PDZD2: variants seen among roughly 807,000 people sequenced by gnomAD.
PDZD2 encodes the protein PDZ domain containing 2.
Under a neutral mutation model 220.7 loss-of-function variants are expected in PDZD2, and 90 were observed. The ratio of observed to expected loss-of-function variants is 0.41; its 90% CI spans 0.34 to 0.49. The LOEUF is 0.49. Ranked by LOEUF, PDZD2 falls within the 20% of genes least tolerant of loss-of-function variation. The pLI is 0.28. For missense variants in PDZD2, 3,174 were observed against 3,608.5 expected (o/e 0.88, Z 3.08); for synonymous variants, 1,375 against 1,450.5 (o/e 0.95, Z 1.18).
chr5:31,948,823 G>T (rs1020198534), intron 2 of PDZD2, among the ~76,000 whole-genome samples: 3 of 152,150 alleles, frequency 2.0e-5, no homozygotes, highest in Non-Finnish European at 4.4e-5. Flanking sequence ...TTTAGGCTGG[G>T]TGTGGTGGCT....
intron 2 of PDZD2, among the ~76,000 whole-genome samples, chr5:31,906,635 G>A (rs188150890): frequency 1.0e-3 from 153 of 152,202 alleles, no homozygotes; most frequent in African/African-American, 3.6e-3. Flanking sequence ...CTGAGGTCAG[G>A]AGTTCCAGAC....
intron 1 of PDZD2, among the ~76,000 whole-genome samples, chr5:31,732,785 G>A (rs1749614435): frequency 6.6e-6 from 1 of 152,164 alleles, no homozygotes; most frequent in Non-Finnish European, 1.5e-5. Context: ...CTGGAGTGGA[G>A]TGGTATGATC....
At chr5:32,008,730 CGCAGGGGAGATATACAAGTAGACACACT>C (rs2112070430) in intron 5 of PDZD2, among the ~76,000 whole-genome samples, 1 of 152,228 alleles carries the variant, frequency 6.6e-6, no homozygotes, top group East Asian at 1.9e-4. Flanking sequence ...TTCTCAGACA[CGCAGGGGAGATATACAAGTAGACACACT>C]GCAAGGGGAT....
chr5:31,820,758 A>G (rs933055431), intron 2 of PDZD2: 2 of 152,152 alleles, frequency 1.3e-5, no homozygotes, highest in African/African-American at 4.8e-5. Flanking sequence ...TATTTTACCA[A>G]ATTACACCCC....
chr5:31,703,523 G>A (rs763771457), intron 1 of PDZD2, among the ~76,000 whole-genome samples: 7 of 152,140 alleles, frequency 4.6e-5, no homozygotes, highest in Non-Finnish European at 1.0e-4. Flanking sequence ...AATACCTAAC[G>A]CATGCGGGGC....
At chr5:31,793,738 C>T (rs932151579) in intron 1 of PDZD2, among the ~76,000 whole-genome samples, 4 of 152,140 alleles carry the variant, frequency 2.6e-5, no homozygotes, top group South Asian at 2.1e-4. Context: ...AACCGGGAGG[C>T]GGAGGTTGCA....
intron 2 of PDZD2, chr5:31,908,528 G>T: frequency 9.3e-7 from 1 of 1,076,970 alleles, no homozygotes; most frequent in Non-Finnish European, 1.4e-6. Flanking sequence ...GGCCCCGAGG[G>T]CGAGGGCACG....
At chr5:32,050,479 T>C (rs1477776749) in intron 8 of PDZD2, among the ~76,000 whole-genome samples, 1 of 152,130 alleles carries the variant, frequency 6.6e-6, no homozygotes, top group Non-Finnish European at 1.5e-5. Flanking sequence ...TTTTCTGCCC[T>C]TTTTCTCCCA....
chr5:31,789,680 G>A (rs1287848612), intron 1 of PDZD2, among the ~76,000 whole-genome samples: 5 of 152,226 alleles, frequency 3.3e-5, no homozygotes, highest in Admixed American at 3.3e-4. Flanking sequence ...TATAACGCCA[G>A]CACTTTGGGA....
intron 1 of PDZD2, among the ~76,000 whole-genome samples, chr5:31,708,750 A>G (rs1747940503): frequency 6.6e-6 from 1 of 152,190 alleles, no homozygotes; most frequent in African/African-American, 2.4e-5. Context: ...GCCAAAGTCA[A>G]TTTGGGGTCA....
intron 19 of PDZD2, among the ~76,000 whole-genome samples, chr5:32,085,276 C>T (rs1170476390): frequency 2.2e-5 from 3 of 139,406 alleles, no homozygotes; most frequent in Non-Finnish European, 4.5e-5. Context: ...TTAATTGACA[C>T]ATAATTGTAC....
intron 4 of PDZD2, 22 bp downstream of exon 4, chr5:31,995,740 C>T (rs1351782763): frequency 6.2e-7 from 1 of 1,606,952 alleles, no homozygotes; most frequent in Non-Finnish European, 8.5e-7. Context: ...ACTCTCCCCT[C>T]TCCCCCATCC....
At chr5:32,014,303 C>T (rs573008549) in intron 6 of PDZD2, among the ~76,000 whole-genome samples, 2 of 152,304 alleles carry the variant, frequency 1.3e-5, no homozygotes, top group Non-Finnish European at 2.9e-5. Flanking sequence ...TGCTGAGGAT[C>T]TGCCATGCGT....
intron 2 of PDZD2, among the ~76,000 whole-genome samples, chr5:31,853,998 G>T (rs577551082): frequency 6.6e-6 from 1 of 152,148 alleles, no homozygotes. Context: ...TTCCATAAAG[G>T]CTTGAGGTTT....
chr5:32,002,893 CAACACACACCCCCA>C (rs1752341851), intron 5 of PDZD2, among the ~76,000 whole-genome samples: 1 of 3,378 alleles, frequency 3.0e-4, no homozygotes, highest in Non-Finnish European at 7.0e-4. Context: ...CCACACACAC[CAACACACACCCCCA>C]CCACACACAC....
chr5:31,863,924 A>G (rs1561521123), intron 2 of PDZD2, among the ~76,000 whole-genome samples: 1 of 152,222 alleles, frequency 6.6e-6, no homozygotes, highest in Non-Finnish European at 1.5e-5. Context: ...TAACAGATAT[A>G]TATATGCATG....
At chr5:31,780,344 T>G (rs1752992383) in intron 1 of PDZD2, among the ~76,000 whole-genome samples, 1 of 152,170 alleles carries the variant, frequency 6.6e-6, no homozygotes, top group Non-Finnish European at 1.5e-5. Flanking sequence ...TTGCTTGTGT[T>G]CCAAAGTTAA....
intron 6 of PDZD2, among the ~76,000 whole-genome samples, chr5:32,028,581 C>T (rs4642384): frequency 0.5 from 75,371 of 151,454 alleles, 19,677 homozygotes; most frequent in Non-Finnish European, 0.58. Flanking sequence ...ACTTAAATTT[C>T]CTTGACTTTT....
rs540962698 is a variant in PDZD2, at chr5:31,799,099, G to A, written c.-150G>A. 9.3e-4 allele frequency: 559 copies of A among 601,362 alleles called. 3 individuals are homozygous for A. The highest frequency in any genetic ancestry group is 6.6e-4 in the South Asian group (32 of 48,546). 37.3% of individuals were successfully genotyped at this position (601,362 alleles called of 1,614,324 possible). On this transcript the variant is annotated 5_prime_UTR_variant, in exon 2 of 25. Coordinates refer to ENST00000438447, the MANE Select transcript of PDZD2 (RefSeq NM_178140.4). ...CTGCCAAGGCAAACAGCATAGTCTC[G>A]AGTAGGTGTCCCTAGGCTCATCTGC... is the stretch of plus-strand genomic sequence containing the variant.
Sources: gnomAD v4.1 joint callset for allele counts (sites outside exome capture counted in the v4.1 genomes callset) on GRCh38, gnomAD v4.1.1 for gene constraint, MANE v1.5 for transcripts, NCBI Gene and HGNC (gene_info 2026-07-23, HGNC 2026-07-21) for gene names.